Variants in LUZP2 observed in about 807,000 individuals in gnomAD.
LUZP2 encodes leucine zipper protein 2.
A neutral mutation model predicts 51.6 loss-of-function variants in LUZP2; 52 were observed. The ratio of observed to expected loss-of-function variants is 1.01; its 90% confidence interval spans 0.81 to 1.27. The LOEUF is 1.27. LUZP2 is among the 50% of genes most tolerant of loss of function. The pLI, the probability that LUZP2 is intolerant of heterozygous loss-of-function variation, is 0.00. For missense variants in LUZP2, 436 were observed against 395.4 expected (o/e 1.10, Z -0.87); for synonymous variants, 154 against 137.3 (o/e 1.12, Z -0.85).
chr11:24,781,333 T>C (rs1219299113), intron 5 of LUZP2, among the ~76,000 whole-genome samples: 3 of 152,202 alleles, frequency 2.0e-5, no homozygotes, highest in South Asian at 2.1e-4. Context: ...AATATTCATG[T>C]TGATATCATC....
chr11:24,973,847 T>G (rs749997326), intron 7 of LUZP2, among the ~76,000 whole-genome samples: 1 of 151,730 alleles, frequency 6.6e-6, no homozygotes, highest in East Asian at 1.9e-4. Flanking sequence ...AGTGTTTTAC[T>G]TCCTCTTATG....
chr11:25,020,265 A>T (rs4348848), intron 9 of LUZP2, among the ~76,000 whole-genome samples: 6 of 151,658 alleles, frequency 4.0e-5, no homozygotes, highest in African/African-American at 1.5e-4. Context: ...TAGTGCTACT[A>T]ATATCATTTG....
intron 5 of LUZP2, among the ~76,000 whole-genome samples, chr11:24,874,556 C>CT (rs1852186819): frequency 6.6e-6 from 1 of 152,128 alleles, no homozygotes; most frequent in Admixed American, 6.6e-5. Flanking sequence ...TCGGCCTGTA[C>CT]TTGACTGCAG....
intron 7 of LUZP2, among the ~76,000 whole-genome samples, chr11:24,957,153 T>C (rs930664704): frequency 6.6e-6 from 1 of 152,148 alleles, no homozygotes; most frequent in Non-Finnish European, 1.5e-5. Context: ...TAGCCCTGTT[T>C]GGAGTCAGAA....
At chr11:24,984,855 G>A (rs1856147368) in intron 9 of LUZP2, among the ~76,000 whole-genome samples, 1 of 151,256 alleles carries the variant, frequency 6.6e-6, no homozygotes, top group Admixed American at 6.6e-5. Flanking sequence ...TTTCCTCAGT[G>A]CTTGCTTTGA....
intron 9 of LUZP2, among the ~76,000 whole-genome samples, chr11:24,997,204 A>G (rs1856531287): frequency 6.6e-6 from 1 of 151,462 alleles, no homozygotes. Flanking sequence ...ACTGACTTCC[A>G]CAATGGTTGA....
At chr11:24,926,329 A>ATATATACGTGTG (rs2133824987) in intron 7 of LUZP2, among the ~76,000 whole-genome samples, 1 of 23,128 alleles carries the variant, frequency 4.3e-5, no homozygotes, top group African/African-American at 3.0e-4. Flanking sequence ...ACGTGTGTGT[A>ATATATACGTGTG]TATATATATA....
intron 8 of LUZP2, among the ~76,000 whole-genome samples, chr11:24,980,493 A>C (rs927493268): frequency 6.6e-6 from 1 of 151,650 alleles, no homozygotes; most frequent in Non-Finnish European, 1.5e-5. Context: ...TTGTAACAAA[A>C]CACTAACCTA....
Position 24,949,549 on chromosome 11 carries a change from A to T in LUZP2, c.523-27042A>T, listed in dbSNP as rs561447204. Among the ~76,000 whole-genome samples the T allele has an allele frequency of 3.7e-4, 56 of 151,658 alleles. 1 individual carries two copies. In the South Asian group the frequency reaches 0.011, roughly 31 times the overall value. On this transcript the variant is annotated intron_variant, in intron 7 of 11. Coordinates refer to ENST00000336930, the MANE Select transcript of LUZP2 (RefSeq NM_001009909.4). The stretch of plus-strand genomic sequence containing the variant: ...ATATATGGACTGTGTATTCTTTGCT[A>T]TGCGTAAGTGAACATGTGTGTGTTC...
intron 1 of LUZP2, among the ~76,000 whole-genome samples, chr11:24,715,124 A>G (rs1022746584): frequency 2.4e-4 from 37 of 151,966 alleles, no homozygotes; most frequent in African/African-American, 8.7e-4. Flanking sequence ...GACAGAGTGA[A>G]CAATGAAAAA....
chr11:25,068,060 C>T (rs749681418), intron 10 of LUZP2, among the ~76,000 whole-genome samples: 1 of 151,868 alleles, frequency 6.6e-6, no homozygotes, highest in Non-Finnish European at 1.5e-5. Flanking sequence ...CAAACTATCA[C>T]AAGGACAGAA....
chr11:24,545,463 TA>T (rs1851509722), intron 1 of LUZP2, among the ~76,000 whole-genome samples: 1 of 151,484 alleles, frequency 6.6e-6, no homozygotes, highest in African/African-American at 2.4e-5. Flanking sequence ...CTATGTGGTG[TA>T]AAAAAGGGGT....
intron 1 of LUZP2, among the ~76,000 whole-genome samples, chr11:24,589,829 G>A (rs1853197491): frequency 1.3e-5 from 2 of 151,994 alleles, no homozygotes; most frequent in Non-Finnish European, 2.9e-5. Flanking sequence ...GTTGAACAAG[G>A]ACCTTTTCAG....
intron 7 of LUZP2, among the ~76,000 whole-genome samples, chr11:24,921,008 T>C (rs1854035968): frequency 6.6e-6 from 1 of 152,020 alleles, no homozygotes; most frequent in Admixed American, 6.6e-5. Context: ...AATAATACAG[T>C]AAAAATACAA....
chr11:24,819,530 T>C (rs1211374234), intron 5 of LUZP2, among the ~76,000 whole-genome samples: 3 of 152,152 alleles, frequency 2.0e-5, no homozygotes, highest in Non-Finnish European at 4.4e-5. Flanking sequence ...TACACATTTA[T>C]AATTATGCCT....
At chr11:24,554,855 G>T (rs1364136475) in intron 1 of LUZP2, among the ~76,000 whole-genome samples, 3 of 152,008 alleles carry the variant, frequency 2.0e-5, no homozygotes, top group African/African-American at 7.2e-5. Flanking sequence ...TTAGAAAATT[G>T]GGAAGATGCA....
chr11:24,512,421 A>G (rs1590120798), intron 1 of LUZP2, among the ~76,000 whole-genome samples: 3 of 152,302 alleles, frequency 2.0e-5, no homozygotes, highest in Admixed American at 1.3e-4. Context: ...AAGACGTGGG[A>G]AAAAAGCAAA....
At chr11:24,665,749 C>T (rs1856192093) in intron 1 of LUZP2, among the ~76,000 whole-genome samples, 1 of 152,144 alleles carries the variant, frequency 6.6e-6, no homozygotes, top group Non-Finnish European at 1.5e-5. Context: ...CGCCTTCTGC[C>T]ATGATTGTAA....
chr11:24,723,413 T>C (rs1442150339), intron 1 of LUZP2, among the ~76,000 whole-genome samples: 1 of 152,224 alleles, frequency 6.6e-6, no homozygotes, highest in Non-Finnish European at 1.5e-5. Context: ...ACAAAGCATA[T>C]GAAATATTCA....
Sources: allele counts gnomAD v4.1 joint callset (sites outside exome capture counted in the v4.1 genomes callset), GRCh38; gene constraint gnomAD v4.1.1; transcripts MANE v1.5; gene names NCBI Gene and HGNC (gene_info 2026-07-23, HGNC 2026-07-21).